Variants in ADGRG1 observed in about 807,000 individuals in gnomAD.
The protein encoded by ADGRG1 is adhesion G protein-coupled receptor G1.
A neutral mutation model predicts 73.5 loss-of-function variants in ADGRG1; 53 were observed. The observed-to-expected ratio is 0.72, with a 90% confidence interval of 0.58 to 0.91. ADGRG1 has a LOEUF of 0.91. Among genes scored for constraint, ADGRG1 ranks in the 40% least tolerant of loss-of-function variants. The probability of loss-of-function intolerance (pLI) is 0.00; values close to 1 mark genes in which losing one functional copy is unlikely to be tolerated. For missense variants in ADGRG1, 795 were observed against 871.8 expected, an observed-to-expected ratio of 0.91 and a Z score of 1.11; for synonymous variants, 394 against 374.4, an observed-to-expected ratio of 1.05 and a Z score of -0.60.
chr16:57,653,301 G>T lies in ADGRG1; in HGVS notation c.586G>T (p.Ala196Ser). 6.2e-7 allele frequency: 1 copy of T among 1,612,092 alleles called. No individual in the cohort carries two copies. Among genetic ancestry groups the T allele is most frequent in the Non-Finnish European group, 8.5e-7 (1 of 1,179,968 alleles). ...CCAGTTCCTGAAGCATCCCCAGAAG[G>T]CCTCAAGGAGGCCCTCGGCTGCCCC... ...LSQFLKHPQK[A>S]SRRPSAAPAS... is the part of the protein sequence containing the mutation. Residue 196 changes from alanine (A) to serine (S), a missense_variant, in exon 4 of 14, where the codon GCC (alanine) becomes TCC (serine). Physicochemically the swap from Ala to Ser is moderately conservative, Grantham distance 99. Transcript: ENST00000562631.
rs546576698 is a variant in ADGRG1 at position 57,656,178 on chromosome 16, G to A, written c.1018-48G>A. 1.6e-5 allele frequency: 26 copies of A among 1,613,818 alleles called. No individual in the cohort carries two copies. In the South Asian group the frequency reaches 2.1e-4, roughly 13 times the overall value. ...CCTCTGCCTGGCCTGTAAAGTTGGA[G>A]GGGTGGGGGGCTGTCACAGAAACCA... On this transcript the variant is annotated intron_variant, in intron 7 of 13. Transcript: ENST00000562631.
At chr16:57,648,778 T>C (rs1224478633) in intron 1 of ADGRG1, 1 of 912,700 alleles carries the variant, frequency 1.1e-6, no homozygotes, top group Non-Finnish European at 1.3e-6. Context: ...AGCACCCAGC[T>C]CTGCCACAGG....
intron 3 of ADGRG1, chr16:57,652,804 C>T (rs1467959264): frequency 1.4e-5 from 15 of 1,099,618 alleles, no homozygotes; most frequent in Non-Finnish European, 1.7e-5. Context: ...GCTACCTGGG[C>T]AGAGGGGCCC....
rs985939077 is a variant in ADGRG1 at position 57,665,447 on chromosome 16, C to T, written c.*1865C>T. 1.4e-4 allele frequency: 22 copies of T among 152,334 alleles called. No homozygotes were observed. Among genetic ancestry groups the T allele is most frequent in the African/African-American group, 5.1e-4 (21 of 41,572 alleles). 9.4% of individuals were successfully genotyped at this position (152,334 alleles called of 1,614,324 possible). A position where few individuals can be genotyped will look rare whatever the true frequency, so the allele number is the denominator to read the frequency against. ...TTTTAAAATTTTGGCGAATCCAAAA[C>T]ATTTTCTGGCCAAAGAGATTACAGT... On this transcript the variant is annotated 3_prime_UTR_variant, in exon 14 of 14. Transcript: ENST00000562631.
intron 7 of ADGRG1, 104 bp downstream of exon 7, chr16:57,656,096 T>A: frequency 6.2e-7 from 1 of 1,613,356 alleles, no homozygotes. Flanking sequence ...AACGATTGCC[T>A]GATCGAGCAG....
Position 57,636,158 on chromosome 16 carries a change from A to G in ADGRG1, c.-36+7356A>G, listed in dbSNP as rs1211383758. On this transcript the variant is annotated intron_variant, in intron 1 of 13. Coordinates refer to ENST00000562631, the MANE Select transcript of ADGRG1 (RefSeq NM_201525.4). ...GAACGGGACCCACTTTTCTTTGCAC[A>G]TCTGCTACCTGGGCTCCCCTTAGGC... 11 of 985,162 alleles carry G rather than the reference A, an allele frequency of 1.1e-5. No individual in the cohort carries two copies. The East Asian group carries it at 3.4e-4, about 31-fold the overall frequency. 61.0% of individuals were successfully genotyped at this position (985,162 alleles called of 1,614,324 possible).
chr16:57,646,492 C>T lies in ADGRG1; in HGVS notation c.-35-3761C>T, dbSNP rs1029289159. The T allele has an allele frequency of 1.1e-4, 106 of 985,270 alleles. No homozygotes were observed. The Admixed American group carries it at 4.5e-3, about 42-fold the overall frequency. The allele number at this position is 985,270 out of a possible 1,614,324, so 61.0% of individuals were successfully genotyped here. ...GCCTGTTCTGTCCTGTGTGTGTTTA[C>T]GGAAGGTCTGAGGTCAAGGGCGGCT... On this transcript the variant is annotated intron_variant, in intron 1 of 13. Coordinates refer to ENST00000562631, the MANE Select transcript of ADGRG1 (RefSeq NM_201525.4).
intron 3 of ADGRG1, chr16:57,651,973 G>A: frequency 1.6e-6 from 2 of 1,256,456 alleles, no homozygotes. Flanking sequence ...AGGGACTGAA[G>A]ATCAAGAGCC....
chr16:57,659,675 G>A lies in ADGRG1; in HGVS notation c.1549G>A (p.Gly517Ser), dbSNP rs767641597. The change falls in exon 11 of 14, where the codon GGC becomes AGC. Residue 517 changes from glycine to serine, a missense_variant. Transcript: ENST00000562631. ...CTACCTACTCAAGCTGAGCGCCATG[G>A]GCTGGGGTAAGTGGTTGGGCGGGGG... ...PGYLLKLSAM[G>S]WGFPIFLVTL... 2 of 1,613,782 alleles carry A rather than the reference G, an allele frequency of 1.2e-6. No individual in the cohort carries two copies. Among genetic ancestry groups the A allele is most frequent in the Non-Finnish European group, 1.7e-6 (2 of 1,179,964 alleles).
At chr16:57,637,396 T>C in intron 1 of ADGRG1, 1 of 985,242 alleles carries the variant, frequency 1.0e-6, no homozygotes, top group Middle Eastern at 5.2e-4. Flanking sequence ...TGTGCCTCTG[T>C]TTCTCCGGGT....
chr16:57,641,904 T>G (rs1468573018), intron 1 of ADGRG1: 1 of 176,632 alleles, frequency 5.7e-6, no homozygotes, highest in Non-Finnish European at 1.1e-5. Context: ...AATTTGTATT[T>G]AGAGACAAGG....
rs1337548203 is a variant in ADGRG1 at position 57,661,834 on chromosome 16, C to T, written c.1802C>T (p.Ser601Leu). The T allele has an allele frequency of 6.2e-7, 1 of 1,614,236 alleles. No individual in the cohort carries two copies. Among genetic ancestry groups the T allele is most frequent in the Non-Finnish European group, 8.5e-7 (1 of 1,180,026 alleles). Residue 601 changes from serine (S) to leucine (L), a missense_variant, in exon 13 of 14, where the codon TCA becomes TTA. Transcript: ENST00000562631. ...CTGCGCCCCCACACCCAAAAGTGGT[C>T]ACATGTGCTGACACTGCTGGGCCTC... ...LRLRPHTQKW[S>L]HVLTLLGLSL... is the part of the protein sequence containing the mutation.
At chr16:57,639,717 C>A in intron 1 of ADGRG1, 1 of 931,978 alleles carries the variant, frequency 1.1e-6, no homozygotes, top group Non-Finnish European at 1.3e-6. Context: ...CCCTTTCACT[C>A]CTGCTCCCTC....
intron 3 of ADGRG1, chr16:57,652,276 C>A: frequency 2.6e-6 from 1 of 377,416 alleles, no homozygotes; most frequent in Non-Finnish European, 3.7e-6. Flanking sequence ...TGAATGGTGG[C>A]CAGGAAGGGA....
intron 5 of ADGRG1, among the ~76,000 whole-genome samples, chr16:57,654,579 T>C (rs1429774784): frequency 6.6e-6 from 1 of 152,078 alleles, no homozygotes; most frequent in African/African-American, 2.4e-5. Flanking sequence ...CACACCTGGC[T>C]TTAAAAAATT....
intron 1 of ADGRG1, 157 bp downstream of exon 1, chr16:57,628,959 T>G: frequency 1.7e-6 from 1 of 589,126 alleles, no homozygotes; most frequent in Non-Finnish European, 2.1e-6. Flanking sequence ...TGTGAGAGTG[T>G]GTGAGTGTGA....
chr16:57,649,164 A>G (rs1597424398), intron 1 of ADGRG1, among the ~76,000 whole-genome samples: 1 of 152,176 alleles, frequency 6.6e-6, no homozygotes, highest in Admixed American at 6.5e-5. Context: ...TTGCTGTTCC[A>G]GATGCTCTGG....
At chr16:57,636,552 C>T in intron 1 of ADGRG1, 10 of 985,202 alleles carry the variant, frequency 1.0e-5, no homozygotes, top group Non-Finnish European at 1.2e-5. Context: ...TGAACCCTCT[C>T]CATCCCCTAT....
chr16:57,639,876 G>A, intron 1 of ADGRG1: 1 of 974,742 alleles, frequency 1.0e-6, no homozygotes. Context: ...CAGTGGGTGG[G>A]GGTGTGGTGG....
Sources: allele counts gnomAD v4.1 joint callset (sites outside exome capture counted in the v4.1 genomes callset), GRCh38; gene constraint gnomAD v4.1.1; transcripts MANE v1.5; gene names NCBI Gene and HGNC (gene_info 2026-07-23, HGNC 2026-07-21).